The following KCNIP4 variants were observed in gnomAD, a reference collection of about 807,000 sequenced individuals.
KCNIP4 encodes the protein Kv channel-interacting protein 4.
KCNIP4 carries 12 observed loss-of-function variants against 34.0 expected under a neutral mutation model. The observed-to-expected ratio is 0.35, with a 90% confidence interval of 0.23 to 0.57. The LOEUF (loss-of-function observed/expected upper bound fraction) is 0.57, where lower values mean the gene tolerates loss of function less well. KCNIP4 is among the 20% of genes least tolerant of loss of function. KCNIP4 has a pLI of 0.83. For synonymous variants in KCNIP4, 124 were observed against 102.2 expected, an observed-to-expected ratio of 1.21 and a Z score of -1.29; for missense variants, 238 against 311.7, an observed-to-expected ratio of 0.76 and a Z score of 1.78.
chr4:20,995,732 T>G (rs1265232287), intron 1 of KCNIP4, among the ~76,000 whole-genome samples: 4 of 152,184 alleles, frequency 2.6e-5, no homozygotes, highest in African/African-American at 7.2e-5. Context: ...AATCTCTTCT[T>G]TATCTGAGGA....
At chr4:21,538,231 G>C (rs1467618615) in intron 1 of KCNIP4, among the ~76,000 whole-genome samples, 1 of 152,012 alleles carries the variant, frequency 6.6e-6, no homozygotes, top group Non-Finnish European at 1.5e-5. Context: ...CCAACACCTT[G>C]ATCTTAGACT....
intron 1 of KCNIP4, among the ~76,000 whole-genome samples, chr4:21,103,647 A>C (rs61490894): frequency 0.29 from 42,624 of 149,156 alleles, 6,811 homozygotes; most frequent in African/African-American, 0.43. Context: ...GGTTAGTTAC[A>C]TACGTATACA....
intron 1 of KCNIP4, among the ~76,000 whole-genome samples, chr4:21,879,605 A>C (rs1294515485): frequency 6.6e-6 from 1 of 152,280 alleles, no homozygotes; most frequent in African/African-American, 2.4e-5. Flanking sequence ...TAGAAAACAC[A>C]GGAAAGTATC....
At chr4:21,039,041 C>T (rs982795541) in intron 1 of KCNIP4, among the ~76,000 whole-genome samples, 3 of 152,068 alleles carry the variant, frequency 2.0e-5, no homozygotes, top group East Asian at 1.9e-4. Flanking sequence ...AAGAGGCAGA[C>T]GTGGGATAGC....
intron 1 of KCNIP4, among the ~76,000 whole-genome samples, chr4:21,221,317 C>T (rs550295666): frequency 2.1e-4 from 32 of 152,170 alleles, no homozygotes; most frequent in African/African-American, 6.5e-4. Context: ...TGTATTAATC[C>T]GTTTTCATAC....
intron 1 of KCNIP4, among the ~76,000 whole-genome samples, chr4:21,892,552 A>G (rs890720733): frequency 9.7e-5 from 5 of 51,454 alleles, no homozygotes; most frequent in African/African-American, 1.8e-4. Flanking sequence ...CAAAAAAGTA[A>G]AAAAAAAAAA....
intron 1 of KCNIP4, among the ~76,000 whole-genome samples, chr4:20,986,603 G>T (rs1736601523): frequency 6.6e-6 from 1 of 152,176 alleles, no homozygotes. Context: ...GGGTCACATG[G>T]TTAGAAAACC....
chr4:21,183,625 G>T lies in KCNIP4; in HGVS notation c.62-300916C>A, dbSNP rs190080441. 4.0e-5 allele frequency among the ~76,000 whole-genome samples: 6 copies of T among 151,810 alleles called. No individual in the cohort carries two copies. The East Asian group carries it at 9.7e-4, about 25-fold the overall frequency. On this transcript the variant is annotated intron_variant, in intron 1 of 8. Transcript: ENST00000382152. ...GGGTCCTCCTTTTTTCCACATATCT[G>T]CCAGTACTTGTCATCTTTTGTCTTT...
At chr4:20,766,479 T>G (rs1275437488) in intron 3 of KCNIP4, among the ~76,000 whole-genome samples, 1 of 152,148 alleles carries the variant, frequency 6.6e-6, no homozygotes, top group Non-Finnish European at 1.5e-5. Flanking sequence ...GGCAGGAGAC[T>G]CACTTGAATC....
At chr4:21,374,635 T>G (rs1720805855) in intron 1 of KCNIP4, among the ~76,000 whole-genome samples, 1 of 147,634 alleles carries the variant, frequency 6.8e-6, no homozygotes, top group Non-Finnish European at 1.5e-5. Flanking sequence ...AATAGAGTGT[T>G]TTAAAATATG....
At chr4:21,428,107 CTG>C (rs1726094597) in intron 1 of KCNIP4, among the ~76,000 whole-genome samples, 1 of 151,996 alleles carries the variant, frequency 6.6e-6, no homozygotes, top group Non-Finnish European at 1.5e-5. Context: ...CCTGGAGAAA[CTG>C]GGGCTGGCAG....
Position 21,292,506 on chromosome 4 carries a change from A to C in KCNIP4, c.62-409797T>G, listed in dbSNP as rs1763588286. 2.6e-5 allele frequency among the ~76,000 whole-genome samples: 4 copies of C among 152,148 alleles called. No individual in the cohort carries two copies. In the South Asian group the frequency reaches 8.3e-4, roughly 32 times the overall value. ...ATATACCCAAGAAAATGCCTCCTTTATCTAAGTCAGGAAGAGTGTTCTTTT... is the reference window on the plus strand; with the variant it reads ...ATATACCCAAGAAAATGCCTCCTTTCTCTAAGTCAGGAAGAGTGTTCTTTT... On this transcript the variant is annotated intron_variant, in intron 1 of 8. Transcript: ENST00000382152.
chr4:21,442,315 G>T (rs1439037459), intron 1 of KCNIP4, among the ~76,000 whole-genome samples: 1 of 152,114 alleles, frequency 6.6e-6, no homozygotes, highest in Non-Finnish European at 1.5e-5. Context: ...AGTGCCAAAA[G>T]CCCTGACTGA....
chr4:21,198,184 C>T (rs958794268), intron 1 of KCNIP4, among the ~76,000 whole-genome samples: 4 of 152,168 alleles, frequency 2.6e-5, no homozygotes, highest in African/African-American at 4.8e-5. Flanking sequence ...ACATTATTCT[C>T]GCTTCTAACA....
intron 1 of KCNIP4, among the ~76,000 whole-genome samples, chr4:21,460,184 A>G (rs1035801945): frequency 6.7e-6 from 1 of 150,360 alleles, no homozygotes; most frequent in Non-Finnish European, 1.5e-5. Flanking sequence ...CACAGTTCCA[A>G]GCATCCTGCG....
At chr4:21,309,975 T>C (rs1217226302) in intron 1 of KCNIP4, among the ~76,000 whole-genome samples, 5 of 151,880 alleles carry the variant, frequency 3.3e-5, no homozygotes, top group African/African-American at 1.2e-4. Context: ...TTTCTTTTCA[T>C]AGGAAAGGCA....
At chr4:21,311,123 CAATA>C (rs1313605347) in intron 1 of KCNIP4, among the ~76,000 whole-genome samples, 23 of 152,130 alleles carry the variant, frequency 1.5e-4, no homozygotes, top group Non-Finnish European at 2.6e-4. Context: ...TGTAAATGCT[CAATA>C]AATAGTAGCT....
At chr4:21,421,876 T>C (rs1037025104) in intron 1 of KCNIP4, among the ~76,000 whole-genome samples, 1 of 152,300 alleles carries the variant, frequency 6.6e-6, no homozygotes, top group South Asian at 2.1e-4. Flanking sequence ...TCACTCTTCA[T>C]TCTGGATCAA....
At chr4:20,766,492 G>A (rs1229204967) in intron 3 of KCNIP4, among the ~76,000 whole-genome samples, 1 of 152,124 alleles carries the variant, frequency 6.6e-6, no homozygotes, top group East Asian at 1.9e-4. Context: ...CTTGAATCTG[G>A]GAGATGGAGG....
Sources: allele counts gnomAD v4.1 joint callset (sites outside exome capture counted in the v4.1 genomes callset), GRCh38; gene constraint gnomAD v4.1.1; transcripts MANE v1.5; gene names NCBI Gene and HGNC (gene_info 2026-07-23, HGNC 2026-07-21).